ZAP70: variants seen among roughly 807,000 people sequenced by gnomAD.
ZAP70 encodes zeta chain of T cell receptor associated protein kinase 70, also known as tyrosine-protein kinase ZAP-70.
In ZAP70, 27 loss-of-function variants were observed where a neutral mutation model predicts 65.8. The observed-to-expected ratio is 0.41, with a 90% CI of 0.30 to 0.57. The LOEUF is 0.57. ZAP70 is among the 20% of genes least tolerant of loss of function. ZAP70 has a pLI of 0.28. For missense variants in ZAP70, 696 were observed against 870.5 expected, an observed-to-expected ratio of 0.80 and a Z score of 2.52; for synonymous variants, 363 against 360.8, an observed-to-expected ratio of 1.01 and a Z score of -0.07.
At chr2:97,714,398 G>A (rs1212533205) in intron 2 of ZAP70, among the ~76,000 whole-genome samples, 1 of 152,234 alleles carries the variant, frequency 6.6e-6, no homozygotes, top group Non-Finnish European at 1.5e-5. Flanking sequence ...TGATTCCTGT[G>A]AGGAGTCCAG....
downstream of ZAP70, among the ~76,000 whole-genome samples, chr2:97,741,539 G>A (rs781241950): frequency 6.6e-6 from 1 of 152,010 alleles, no homozygotes; most frequent in Non-Finnish European, 1.5e-5. Flanking sequence ...AAAGCTCCCC[G>A]TTCCCTCCCG....
At chr2:97,738,821 A>G (rs1470052733) in intron 13 of ZAP70, among the ~76,000 whole-genome samples, 2 of 151,920 alleles carry the variant, frequency 1.3e-5, no homozygotes, top group Non-Finnish European at 1.5e-5. Context: ...CCATCAGGAA[A>G]CACCCAGGGC....
At chr2:97,741,304 C>CCCTT (rs1678120573), downstream of ZAP70, among the ~76,000 whole-genome samples, 1 of 152,222 alleles carries the variant, frequency 6.6e-6, no homozygotes, top group African/African-American at 2.4e-5. Context: ...CTGACCAAGC[C>CCCTT]CCTTCACCCT....
chr2:97,753,242 TTCC>T, the ZAP70 span, among the ~76,000 whole-genome samples: 3 of 152,210 alleles, frequency 2.0e-5, no homozygotes, highest in Non-Finnish European at 4.4e-5. Context: ...GAAGACCCCT[TTCC>T]TCCTAACTGT....
rs541228799 is a variant in ZAP70 at position 97,736,798 on chromosome 2, C to G, written c.1290-675C>G. ...GCGGGCAGGGAGGGGATGAGCAGAC[C>G]GTGCCAGGCCTTGCGGGCTGCCAGG... is the stretch of plus-strand genomic sequence containing the variant. On this transcript the variant is annotated intron_variant, in intron 10 of 13. Coordinates refer to ENST00000264972, the MANE Select transcript of ZAP70 (RefSeq NM_001079.4). This position sits in a 1 kb window ranked among gnomAD's most constrained non-coding sequence, Gnocchi z 4.0. Among the ~76,000 whole-genome samples the G allele has an allele frequency of 6.6e-6, 1 of 152,080 alleles. No individual in the cohort carries two copies.
the ZAP70 span, among the ~76,000 whole-genome samples, chr2:97,750,345 A>T: frequency 1.3e-5 from 2 of 152,126 alleles, no homozygotes; most frequent in Non-Finnish European, 2.9e-5. Context: ...CAATTGTAGG[A>T]TGTGGGCCTT....
At chr2:97,734,231 G>A (rs1293326399) in intron 8 of ZAP70, 2 of 690,274 alleles carry the variant, frequency 2.9e-6, no homozygotes, top group Non-Finnish European at 4.4e-6. Flanking sequence ...ACGTACGAAT[G>A]CACACACATG....
chr2:97,750,102 G>A, the ZAP70 span, among the ~76,000 whole-genome samples: 4 of 152,348 alleles, frequency 2.6e-5, no homozygotes, highest in South Asian at 8.3e-4. Flanking sequence ...CTCTGAGAGG[G>A]GCAGAGTGTG....
the ZAP70 span, among the ~76,000 whole-genome samples, chr2:97,750,007 A>G: frequency 6.6e-6 from 1 of 152,254 alleles, no homozygotes; most frequent in African/African-American, 2.4e-5. Context: ...AACAGACAAT[A>G]GGAAGTGCTA....
chr2:97,755,373 G>A, the ZAP70 span, among the ~76,000 whole-genome samples: 1 of 152,152 alleles, frequency 6.6e-6, no homozygotes, highest in African/African-American at 2.4e-5. Flanking sequence ...CTGCACCAAG[G>A]CTCCGTTTCC....
chr2:97,748,055 G>A, the ZAP70 span, among the ~76,000 whole-genome samples: 3 of 151,998 alleles, frequency 2.0e-5, no homozygotes, highest in South Asian at 2.1e-4. Flanking sequence ...CCCAAGTAAC[G>A]GGTGGCCTGT....
chr2:97,744,199 C>T (rs998199344), downstream of ZAP70, among the ~76,000 whole-genome samples: 35 of 152,192 alleles, frequency 2.3e-4, no homozygotes, highest in Non-Finnish European at 3.2e-4. Context: ...GGCCCTGGCC[C>T]GGTGCTCCCC....
the ZAP70 span, among the ~76,000 whole-genome samples, chr2:97,749,289 A>G: frequency 6.6e-6 from 1 of 152,182 alleles, no homozygotes; most frequent in Admixed American, 6.5e-5. Flanking sequence ...GATTGCAGGC[A>G]TGAGGCACCG....
chr2:97,734,200 C>T lies in ZAP70; in HGVS notation c.890-320C>T, dbSNP rs540400705. The T allele has an allele frequency of 1.0e-4, 48 of 471,244 alleles. No individual in the cohort carries two copies. The South Asian group carries it at 1.3e-3, about 13-fold the overall frequency. The allele number at this position is 471,244 out of a possible 1,614,324, so 29.2% of individuals were successfully genotyped here. A position where few individuals can be genotyped will look rare whatever the true frequency, so the allele number is the denominator to read the frequency against. On this transcript the variant is annotated intron_variant, in intron 8 of 13. Transcript: ENST00000264972. ...TGTGTGCTGCATACGCAGACAGGGACGGGCCCGGCCATAGGCGTACACGTA... is the reference window on the plus strand; with the variant it reads ...TGTGTGCTGCATACGCAGACAGGGATGGGCCCGGCCATAGGCGTACACGTA...
At chr2:97,718,890 T>A (rs1213685409) in intron 2 of ZAP70, among the ~76,000 whole-genome samples, 1 of 152,140 alleles carries the variant, frequency 6.6e-6, no homozygotes, top group Admixed American at 6.5e-5. Context: ...AGTGGCTCCA[T>A]GAGTCTTCAA....
rs1677719275 is a variant in ZAP70 at position 97,733,705 on chromosome 2, G to A, written c.889+110G>A. 1.9e-5 allele frequency: 27 copies of A among 1,399,594 alleles called. No homozygotes were observed. The South Asian group carries it at 3.1e-4, about 16-fold the overall frequency. 86.7% of individuals were successfully genotyped at this position (1,399,594 alleles called of 1,614,324 possible). A position where few individuals can be genotyped will look rare whatever the true frequency, so the allele number is the denominator to read the frequency against. On this transcript the variant is annotated intron_variant, in intron 8 of 13. Coordinates refer to ENST00000264972, the MANE Select transcript of ZAP70 (RefSeq NM_001079.4). ...GGGGCGCTGTGGGCCGGGCCAGGCT[G>A]TGGCAGTTGGCTTGGTTAACACCTG...
chr2:97,717,556 A>G (rs1258699926), intron 2 of ZAP70, among the ~76,000 whole-genome samples: 1 of 152,142 alleles, frequency 6.6e-6, no homozygotes, highest in African/African-American at 2.4e-5. Context: ...CACCAGGTCC[A>G]GTGGCTTTGG....
chr2:97,732,606 G>A (rs528175754), intron 4 of ZAP70: 32 of 544,170 alleles, frequency 5.9e-5, no homozygotes, highest in African/African-American at 5.1e-4. Flanking sequence ...CACCGTGGGG[G>A]GTCAGGTATT....
Position 97,725,167 on chromosome 2 carries a change from C to T in ZAP70, c.478C>T (p.Arg160Trp), listed in dbSNP as rs773287941. ...GCTCATTGCTACGACGGCCCACGAG[C>T]GGATGCCCTGGTACCACAGCAGCCT... The part of the protein sequence containing the change: ...EKLIATTAHE[R>W]MPWYHSSLTR... The change falls in exon 4 of 14, where the codon CGG (arginine) becomes TGG (tryptophan). Residue 160 changes from arginine (R) to tryptophan (W), a missense_variant. Arg to Trp is a moderately radical substitution (Grantham distance 101). This residue lies in a region of ZAP70 where 551 missense variants were observed against 630.0 expected (regional missense o/e 0.87). Coordinates refer to ENST00000264972, the MANE Select transcript of ZAP70 (RefSeq NM_001079.4). The T allele has an allele frequency of 1.2e-6, 2 of 1,614,190 alleles. No homozygotes were observed. The highest frequency in any genetic ancestry group is 1.7e-6 in the Non-Finnish European group (2 of 1,180,036).
Sources: allele counts gnomAD v4.1 joint callset (sites outside exome capture counted in the v4.1 genomes callset), GRCh38; gene constraint gnomAD v4.1.1; regional missense constraint gnomAD v4.1.1; non-coding constraint Gnocchi (gnomAD v3.1); transcripts MANE v1.5; gene names NCBI Gene and HGNC (gene_info 2026-07-23, HGNC 2026-07-21).